The following ANK2 variants were observed in gnomAD, a reference collection of about 807,000 sequenced individuals.
ANK2 encodes the protein ankyrin-2.
In ANK2, 83 loss-of-function variants were observed where a neutral mutation model predicts 360.5. That is an observed-to-expected ratio of 0.23 (90% CI 0.19 to 0.28). ANK2 has a LOEUF of 0.28. ANK2 is among the 10% of genes least tolerant of loss of function. ANK2 has a pLI of 1.00. For synonymous variants in ANK2, 1,740 were observed against 1,759.5 expected (o/e 0.99, Z 0.28); for missense variants, 4,201 against 4,795.7 (o/e 0.88, Z 3.66).
intron 1 of ANK2, among the ~76,000 whole-genome samples, chr4:113,158,344 T>C (rs990855731): frequency 6.6e-6 from 1 of 152,222 alleles, no homozygotes; most frequent in African/African-American, 2.4e-5. Flanking sequence ...TGAGTAATTC[T>C]CTTACTTGAA....
At position 113,009,670 on chromosome 4, in the gene ANK2, G is replaced by A. The variant is rs148116077; in HGVS notation, c.21+105156G>A. On this transcript the variant is annotated intron_variant, in intron 2 of 30. Transcript: ENST00000503271. ...CCCACAGGGCATATTCTCTGGCTCA[G>A]TGTTGGACCACTCCTGATGATAAGT... Among the ~76,000 whole-genome samples the A allele has an allele frequency of 7.2e-3, 1,099 of 152,256 alleles. 7 individuals carry two copies. Among genetic ancestry groups the A allele is most frequent in the Non-Finnish European group, 0.012 (846 of 68,026 alleles).
At chr4:112,788,247 C>G in the ANK2 span, 1 of 1,590,262 alleles carries the variant, frequency 6.3e-7, no homozygotes, top group Non-Finnish European at 8.5e-7. Context: ...GCCAAAGCGC[C>G]TTTGTCTTCC....
At chr4:113,299,391 C>T (rs1389149674) in intron 22 of ANK2, among the ~76,000 whole-genome samples, 1 of 152,170 alleles carries the variant, frequency 6.6e-6, no homozygotes, top group Non-Finnish European at 1.5e-5. Flanking sequence ...CATCCTTTCA[C>T]ATTTTTAAAT....
At chr4:112,787,753 TTC>T in the ANK2 span, among the ~76,000 whole-genome samples, 1 of 152,152 alleles carries the variant, frequency 6.6e-6, no homozygotes, top group East Asian at 1.9e-4. Context: ...GGGGGGCACT[TTC>T]TGTGTGACCC....
intron 32 of ANK2, among the ~76,000 whole-genome samples, chr4:113,339,688 A>G (rs1164079515): frequency 6.6e-6 from 1 of 152,240 alleles, no homozygotes; most frequent in Non-Finnish European, 1.5e-5. Context: ...TGATAACAGC[A>G]CAAATCTCAC....
At chr4:112,927,700 T>A (rs993249923) in intron 2 of ANK2, among the ~76,000 whole-genome samples, 3 of 152,202 alleles carry the variant, frequency 2.0e-5, no homozygotes, top group Admixed American at 6.6e-5. Flanking sequence ...TTCTCATGTC[T>A]TTTACTAAAC....
chr4:113,318,639 T>C lies in ANK2; in HGVS notation c.2900+19T>C. Reference sequence around the variant, plus strand: ...ATTCAGGGTGAGTAAATCAATATTATGTATCCTGATCAAGAGGTAAAAAGA... The same window carrying C: ...ATTCAGGGTGAGTAAATCAATATTACGTATCCTGATCAAGAGGTAAAAAGA... On this transcript the variant is annotated intron_variant, in intron 26 of 45. Transcript: ENST00000357077. 1 of 1,573,578 alleles carries C rather than the reference T, an allele frequency of 6.4e-7. No homozygotes were observed. The highest frequency in any genetic ancestry group is 1.7e-5 in the Admixed American group (1 of 58,206).
chr4:113,213,424 A>G (rs2099047048), intron 4 of ANK2, among the ~76,000 whole-genome samples: 1 of 152,174 alleles, frequency 6.6e-6, no homozygotes, highest in South Asian at 2.1e-4. Flanking sequence ...TATAAATGTA[A>G]AGTTCCATGC....
intron 2 of ANK2, among the ~76,000 whole-genome samples, chr4:113,007,827 TG>T (rs1246471219): frequency 6.6e-6 from 1 of 152,158 alleles, no homozygotes; most frequent in Non-Finnish European, 1.5e-5. Context: ...AAGCTAGTAT[TG>T]GAGTGGACTG....
rs181669564 is a variant in ANK2 at position 112,915,319 on chromosome 4, G to A, written c.21+10805G>A. Among the ~76,000 whole-genome samples the A allele has an allele frequency of 2.0e-3, 304 of 152,144 alleles. 1 individual carries two copies. The highest frequency in any genetic ancestry group is 2.0e-3 in the Non-Finnish European group (138 of 67,988). On this transcript the variant is annotated intron_variant, in intron 2 of 30. Transcript: ENST00000503271. Reference sequence around the variant, plus strand: ...TTGTGTACGTCAAACTTGATCTAAAGACCACTTTACCAAGAACATGAGGCC... The same window carrying A: ...TTGTGTACGTCAAACTTGATCTAAAAACCACTTTACCAAGAACATGAGGCC...
chr4:112,738,836 GC>G, the ANK2 span: 1 of 635,546 alleles, frequency 1.6e-6, no homozygotes, highest in Non-Finnish European at 3.0e-6. Flanking sequence ...AGATCTTGAT[GC>G]CCAACATTGG....
At chr4:112,864,799 G>T (rs1233616474) in intron 1 of ANK2, among the ~76,000 whole-genome samples, 1 of 150,862 alleles carries the variant, frequency 6.6e-6, no homozygotes, top group African/African-American at 2.4e-5. Context: ...TTGGGAGGCC[G>T]AGGCGGGCGG....
At chr4:113,000,027 T>C (rs959164227) in intron 2 of ANK2, among the ~76,000 whole-genome samples, 5 of 152,180 alleles carry the variant, frequency 3.3e-5, no homozygotes, top group Admixed American at 2.0e-4. Context: ...CAAGTTTTAT[T>C]TTATGTGCAT....
At chr4:112,993,025 G>C (rs2154279717) in intron 2 of ANK2, among the ~76,000 whole-genome samples, 1 of 152,186 alleles carries the variant, frequency 6.6e-6, no homozygotes, top group East Asian at 1.9e-4. Context: ...GCTCATACCT[G>C]TAATTCCAGC....
At chr4:113,256,643 C>T (rs1455142954) in intron 11 of ANK2, among the ~76,000 whole-genome samples, 1 of 152,188 alleles carries the variant, frequency 6.6e-6, no homozygotes, top group Non-Finnish European at 1.5e-5. Flanking sequence ...ATTTATGCCT[C>T]TTGTGTCCTA....
intron 20 of ANK2, 66 bp from the exon 21 acceptor site, chr4:113,292,350 G>A (rs2068144190): frequency 2.2e-6 from 3 of 1,373,872 alleles, no homozygotes; most frequent in African/African-American, 2.9e-5. Context: ...TCAAAATGAA[G>A]GCTAACCTAA....
Position 113,355,723 on chromosome 4 carries a change from G to T in ANK2, c.7105G>T (p.Val2369Phe), listed in dbSNP as rs758054052. The T allele has an allele frequency of 1.2e-4, 200 of 1,614,036 alleles. No individual in the cohort carries two copies. Among genetic ancestry groups the T allele is most frequent in the Middle Eastern group, 9.9e-4 (6 of 6,084 alleles). Reference sequence around the variant, plus strand: ...CCACAAGACACAAACTGATAGTGAGGTTCAAGAATCCACAGCCACCTCAGA... The same window carrying T: ...CCACAAGACACAAACTGATAGTGAGTTTCAAGAATCCACAGCCACCTCAGA... ...SAHKTQTDSE[V>F]QESTATSDET... The change falls in exon 38 of 46, where the codon GTT becomes TTT. Residue 2369 changes from valine to phenylalanine, a missense_variant. Val to Phe is a conservative substitution (Grantham distance 50). Coordinates refer to ENST00000357077, the MANE Select transcript of ANK2 (RefSeq NM_001148.6).
chr4:112,920,195 T>C (rs1351182189), intron 2 of ANK2, among the ~76,000 whole-genome samples: 1 of 152,192 alleles, frequency 6.6e-6, no homozygotes, highest in Non-Finnish European at 1.5e-5. Flanking sequence ...TGGCATGTAA[T>C]ATACACTAAC....
At chr4:112,897,584 T>C (rs2150784828) in intron 1 of ANK2, among the ~76,000 whole-genome samples, 1 of 152,266 alleles carries the variant, frequency 6.6e-6, no homozygotes, top group African/African-American at 2.4e-5. Flanking sequence ...GATAATCTTT[T>C]AAGGATCTTT....
Sources: gnomAD v4.1 joint callset for allele counts (sites outside exome capture counted in the v4.1 genomes callset) on GRCh38, gnomAD v4.1.1 for gene constraint, MANE v1.5 for transcripts, NCBI Gene and HGNC (gene_info 2026-07-23, HGNC 2026-07-21) for gene names.